TCF4: variants seen among roughly 807,000 people sequenced by gnomAD.
The protein encoded by TCF4 is SL3-3 enhancer factor 2.
A neutral mutation model predicts 82.1 loss-of-function variants in TCF4; 3 were observed. The ratio of observed to expected loss-of-function variants is 0.04; its 90% CI spans 0.02 to 0.09. TCF4 has a LOEUF of 0.09. Ranked by LOEUF, TCF4 falls within the 10% of genes least tolerant of loss-of-function variation. The pLI, the probability that TCF4 is intolerant of heterozygous loss-of-function variation, is 1.00. For missense variants in TCF4, 518 were observed against 852.7 expected, an observed-to-expected ratio of 0.61 and a Z score of 4.89; for synonymous variants, 276 against 309.6, an observed-to-expected ratio of 0.89 and a Z score of 1.14.
At chr18:55,488,568 T>C (rs1018738056) in intron 3 of TCF4, among the ~76,000 whole-genome samples, 2 of 151,284 alleles carry the variant, frequency 1.3e-5, no homozygotes, top group African/African-American at 4.9e-5. Context: ...AAGCTGCAGC[T>C]CTGTCCTCCC....
At chr18:55,485,247 C>CGTTATTAAGATATTAAGAT in intron 3 of TCF4, among the ~76,000 whole-genome samples, 1 of 152,286 alleles carries the variant, frequency 6.6e-6, no homozygotes, top group African/African-American at 2.4e-5. Context: ...TAATGTAAGA[C>CGTTATTAAGATATTAAGAT]ATTTCCCTAT....
chr18:55,499,718 G>C (rs1013528688), intron 3 of TCF4, among the ~76,000 whole-genome samples: 12 of 152,178 alleles, frequency 7.9e-5, no homozygotes, highest in African/African-American at 2.7e-4. Flanking sequence ...CCTGTACCTG[G>C]GGAAAGAGCA....
At chr18:55,621,936 A>G (rs1312645274) in intron 2 of TCF4, among the ~76,000 whole-genome samples, 2 of 1,132 alleles carry the variant, frequency 1.8e-3, no homozygotes, top group African/African-American at 2.2e-3. Context: ...TATATACTAT[A>G]TATACACTAT....
intron 3 of TCF4, among the ~76,000 whole-genome samples, chr18:55,493,115 T>C (rs1447804479): frequency 6.6e-6 from 1 of 152,166 alleles, no homozygotes; most frequent in South Asian, 2.1e-4. Context: ...ATGTTACCAG[T>C]AGTATTTTTC....
intron 8 of TCF4, among the ~76,000 whole-genome samples, chr18:55,315,993 T>C (rs1174457072): frequency 6.6e-6 from 1 of 152,128 alleles, no homozygotes; most frequent in Admixed American, 6.6e-5. Flanking sequence ...TGTGTCATCT[T>C]AGAGTTATGT....
chr18:55,493,020 A>G (rs2096592170), intron 3 of TCF4, among the ~76,000 whole-genome samples: 1 of 152,182 alleles, frequency 6.6e-6, no homozygotes, highest in Admixed American at 6.6e-5. Flanking sequence ...TCACATCTCC[A>G]TTGACATAGC....
chr18:55,403,771 C>T (rs2093953326), intron 5 of TCF4: 2 of 1,530,358 alleles, frequency 1.3e-6, no homozygotes, highest in Non-Finnish European at 1.7e-6. Context: ...CAATGGCCTC[C>T]ACTTTCTCTA....
intron 6 of TCF4, among the ~76,000 whole-genome samples, chr18:55,368,275 G>A (rs1255094574): frequency 6.6e-6 from 1 of 152,120 alleles, no homozygotes; most frequent in Non-Finnish European, 1.5e-5. Context: ...CAGCTACTTG[G>A]GAGGCTGAGA....
At chr18:55,586,125 G>A (rs2097642901) in intron 2 of TCF4, 6 of 1,456,902 alleles carry the variant, frequency 4.1e-6, no homozygotes, top group Non-Finnish European at 9.1e-7. Flanking sequence ...AAGAGGAGGA[G>A]GAGGAGGAGA....
intron 3 of TCF4, among the ~76,000 whole-genome samples, chr18:55,516,490 G>C (rs2096883040): frequency 2.0e-5 from 3 of 152,064 alleles, no homozygotes; most frequent in Non-Finnish European, 4.4e-5. Flanking sequence ...GTCTGATTAT[G>C]CAACTGTAGA....
intron 8 of TCF4, among the ~76,000 whole-genome samples, chr18:55,299,709 A>T (rs1214450600): frequency 1.3e-5 from 2 of 152,144 alleles, no homozygotes; most frequent in Admixed American, 1.3e-4. Context: ...CAACAAAAAA[A>T]ATGTTGCTGG....
At chr18:55,542,669 C>A (rs975216196) in intron 3 of TCF4, among the ~76,000 whole-genome samples, 13 of 151,964 alleles carry the variant, frequency 8.6e-5, no homozygotes, top group Non-Finnish European at 1.5e-4. Flanking sequence ...CACACACACA[C>A]ATATATGTAC....
At chr18:55,460,392 C>T (rs2095849740) in intron 5 of TCF4, among the ~76,000 whole-genome samples, 1 of 152,088 alleles carries the variant, frequency 6.6e-6, no homozygotes, top group Non-Finnish European at 1.5e-5. Flanking sequence ...GAAAAACATG[C>T]TGAGGATGCC....
chr18:55,590,324 A>G (rs993711589), upstream of TCF4, among the ~76,000 whole-genome samples: 1 of 152,176 alleles, frequency 6.6e-6, no homozygotes, highest in Non-Finnish European at 1.5e-5. Flanking sequence ...TGGAAGAGGG[A>G]TGTGGGTCCT....
chr18:55,510,522 G>T, intron 3 of TCF4: 1 of 1,316,708 alleles, frequency 7.6e-7, no homozygotes, highest in Admixed American at 2.5e-5. Flanking sequence ...GAAGTCGATA[G>T]ATCAAACATT....
chr18:55,412,834 C>G (rs1163452935), intron 5 of TCF4, among the ~76,000 whole-genome samples: 1 of 152,166 alleles, frequency 6.6e-6, no homozygotes, highest in Non-Finnish European at 1.5e-5. Flanking sequence ...ATGCTGCTCA[C>G]TTAACTGAAT....
rs1398953119 is a variant in TCF4 at position 55,223,260 on chromosome 18, G to A, written c.*4775C>T. On this transcript the variant is annotated 3_prime_UTR_variant, in exon 20 of 20. Coordinates refer to ENST00000354452, the MANE Select transcript of TCF4 (RefSeq NM_001083962.2). ...TGCATCCCGTTCCATTTTCATTAAG[G>A]GCATCTCTTCCTTGATCAATCATGT... The A allele has an allele frequency of 1.3e-5, 2 of 151,938 alleles. No individual in the cohort carries two copies. The highest frequency in any genetic ancestry group is 2.9e-5 in the Non-Finnish European group (2 of 67,980). 9.4% of individuals were successfully genotyped at this position (151,938 alleles called of 1,614,324 possible).
intron 3 of TCF4, among the ~76,000 whole-genome samples, chr18:55,470,553 CAG>C (rs1254108768): frequency 6.6e-6 from 1 of 152,142 alleles, no homozygotes; most frequent in African/African-American, 2.4e-5. Context: ...GTATGCTGAT[CAG>C]AGTCCCAAGC....
At chr18:55,376,747 C>A (rs1189648808) in intron 6 of TCF4, among the ~76,000 whole-genome samples, 1 of 152,172 alleles carries the variant, frequency 6.6e-6, no homozygotes, top group Non-Finnish European at 1.5e-5. Context: ...TGTGTGGACA[C>A]CTATTTGATG....
Sources: allele counts gnomAD v4.1 joint callset (sites outside exome capture counted in the v4.1 genomes callset), GRCh38; gene constraint gnomAD v4.1.1; transcripts MANE v1.5; gene names NCBI Gene and HGNC (gene_info 2026-07-23, HGNC 2026-07-21).